The following RGS7 variants were observed in gnomAD, a reference collection of about 807,000 sequenced individuals.
RGS7 encodes regulator of G protein signaling 7.
A neutral mutation model predicts 81.1 loss-of-function variants in RGS7; 27 were observed. That is an observed-to-expected ratio of 0.33 (90% CI 0.25 to 0.46). The LOEUF is 0.46. Ranked by LOEUF, RGS7 falls within the 20% of genes least tolerant of loss-of-function variation. The probability of loss-of-function intolerance (pLI) is 1.00; values close to 1 mark genes in which losing one functional copy is unlikely to be tolerated. For synonymous variants in RGS7, 208 were observed against 207.7 expected, an observed-to-expected ratio of 1.00 and a Z score of -0.01; for missense variants, 396 against 607.4, an observed-to-expected ratio of 0.65 and a Z score of 3.66.
intron 9 of RGS7, among the ~76,000 whole-genome samples, chr1:240,830,376 C>T (rs888452207): frequency 1.3e-5 from 2 of 152,148 alleles, no homozygotes; most frequent in South Asian, 4.1e-4. Context: ...GAGATGGTAC[C>T]TGTTGCAACA....
Position 240,868,890 on chromosome 1 carries a change from A to G in RGS7, c.451-38T>C, listed in dbSNP as rs775159630. The stretch of plus-strand genomic sequence containing the variant: ...CCCCAGGTGAAGACATTTGGTGTTC[A>G]TTGTCACTGCTCTCTTCTAGCTTAG... On this transcript the variant is annotated intron_variant, in intron 7 of 18. Coordinates refer to ENST00000440928, the MANE Select transcript of RGS7 (RefSeq NM_001364886.1). This position sits in a 1 kb window ranked among gnomAD's most constrained non-coding sequence, Gnocchi z 5.1. The G allele has an allele frequency of 1.3e-6, 2 of 1,566,402 alleles. No homozygotes were observed. The highest frequency in any genetic ancestry group is 8.8e-7 in the Non-Finnish European group (1 of 1,136,654).
At chr1:241,156,491 G>A (rs1572919793) in intron 2 of RGS7, among the ~76,000 whole-genome samples, 1 of 150,882 alleles carries the variant, frequency 6.6e-6, no homozygotes, top group Admixed American at 6.6e-5. Context: ...GGGCAACAGA[G>A]AGAGACTCTG....
chr1:241,105,355 C>A (rs1020095793), intron 2 of RGS7, among the ~76,000 whole-genome samples: 14 of 152,194 alleles, frequency 9.2e-5, no homozygotes, highest in African/African-American at 1.2e-4. Context: ...CAACACCCTG[C>A]TCTTTTCTCA....
intron 6 of RGS7, among the ~76,000 whole-genome samples, chr1:240,892,231 C>T (rs188321700): frequency 1.1e-4 from 16 of 152,214 alleles, no homozygotes; most frequent in East Asian, 1.9e-4. Context: ...CTAGTAATGA[C>T]GTGTCCTTTT....
intron 2 of RGS7, among the ~76,000 whole-genome samples, chr1:241,258,383 T>A (rs1439634029): frequency 6.6e-6 from 1 of 152,132 alleles, no homozygotes; most frequent in Non-Finnish European, 1.5e-5. Flanking sequence ...AATAGAGGGA[T>A]TTTTATTGGC....
chr1:241,089,061 C>A (rs865921578), intron 3 of RGS7, among the ~76,000 whole-genome samples: 524 of 36,398 alleles, frequency 0.014, 4 homozygotes, highest in Non-Finnish European at 0.018. Flanking sequence ...CTCTCTCTCT[C>A]TCTATATATA....
chr1:241,195,785 T>C (rs2073024735), intron 2 of RGS7, among the ~76,000 whole-genome samples: 2 of 151,704 alleles, frequency 1.3e-5, no homozygotes, highest in African/African-American at 2.4e-5. Flanking sequence ...GAAATAAATA[T>C]TGAGAACAAA....
intron 3 of RGS7, among the ~76,000 whole-genome samples, chr1:241,039,254 T>C (rs757478917): frequency 9.8e-5 from 15 of 152,348 alleles, no homozygotes; most frequent in Admixed American, 1.3e-4. Context: ...ATTAGTGTGC[T>C]TAACCTTTCT....
At chr1:241,244,414 T>C (rs182634201) in intron 2 of RGS7, among the ~76,000 whole-genome samples, 3,757 of 151,532 alleles carry the variant, frequency 0.025, 161 homozygotes, top group African/African-American at 0.084. Context: ...TGAGATATCA[T>C]CTCACCAGTT....
chr1:241,042,156 T>A (rs1385532363), intron 3 of RGS7, among the ~76,000 whole-genome samples: 1 of 152,180 alleles, frequency 6.6e-6, no homozygotes, highest in Non-Finnish European at 1.5e-5. Context: ...CGCTGTCACA[T>A]GTGTGGGGGC....
chr1:241,089,840 C>A (rs1304593157), intron 3 of RGS7, among the ~76,000 whole-genome samples: 5 of 151,820 alleles, frequency 3.3e-5, no homozygotes, highest in African/African-American at 1.2e-4. Context: ...CCCGTCTCTA[C>A]TAAAAATACA....
At chr1:240,933,139 CA>C (rs1322115595) in intron 5 of RGS7, among the ~76,000 whole-genome samples, 5 of 151,316 alleles carry the variant, frequency 3.3e-5, no homozygotes, top group Admixed American at 3.3e-4. Context: ...CCCTCGGCCC[CA>C]CAAAGTGCTG....
At chr1:240,797,915 G>A (rs760523513) in intron 18 of RGS7, among the ~76,000 whole-genome samples, 1 of 152,096 alleles carries the variant, frequency 6.6e-6, no homozygotes, top group Non-Finnish European at 1.5e-5. Context: ...ACCCCAATGC[G>A]GGCATTACAC....
At chr1:241,009,471 C>G (rs2058847239) in intron 3 of RGS7, among the ~76,000 whole-genome samples, 1 of 152,166 alleles carries the variant, frequency 6.6e-6, no homozygotes, top group African/African-American at 2.4e-5. Flanking sequence ...GGAAGAGAAT[C>G]TGGCAGATCT....
At chr1:241,132,570 T>C (rs1456495242) in intron 2 of RGS7, among the ~76,000 whole-genome samples, 2 of 150,716 alleles carry the variant, frequency 1.3e-5, no homozygotes, top group African/African-American at 5.0e-5. Context: ...AATACAGTTG[T>C]CACAAGTGCA....
At chr1:240,958,330 G>A (rs1680787321) in intron 4 of RGS7, among the ~76,000 whole-genome samples, 1 of 152,188 alleles carries the variant, frequency 6.6e-6, no homozygotes, top group Admixed American at 6.5e-5. Context: ...TATTTACAAG[G>A]TTAGAGTTTG....
chr1:240,958,451 C>A (rs1680803570), intron 4 of RGS7, among the ~76,000 whole-genome samples: 1 of 152,154 alleles, frequency 6.6e-6, no homozygotes, highest in South Asian at 2.1e-4. Context: ...TGTCTGTTGG[C>A]TTTTGTCAGT....
At chr1:240,958,657 C>G (rs553987528) in intron 4 of RGS7, among the ~76,000 whole-genome samples, 45 of 152,326 alleles carry the variant, frequency 3.0e-4, no homozygotes, top group Non-Finnish European at 5.9e-4. Flanking sequence ...TATACGAGTT[C>G]TTCCAGTCAA....
intron 9 of RGS7, among the ~76,000 whole-genome samples, chr1:240,852,885 A>G (rs1332793358): frequency 1.3e-5 from 2 of 152,210 alleles, no homozygotes; most frequent in Non-Finnish European, 2.9e-5. Flanking sequence ...ACTTTTCTGA[A>G]CAGTGAAACT....
Sources: allele counts gnomAD v4.1 joint callset (sites outside exome capture counted in the v4.1 genomes callset), GRCh38; gene constraint gnomAD v4.1.1; non-coding constraint Gnocchi (gnomAD v3.1); transcripts MANE v1.5; gene names NCBI Gene and HGNC (gene_info 2026-07-23, HGNC 2026-07-21).